The following TUSC3 variants were observed in gnomAD, a reference collection of about 807,000 sequenced individuals.
TUSC3 encodes the protein dolichyl-diphosphooligosaccharide--protein glycosyltransferase subunit TUSC3.
Under a neutral mutation model 44.8 loss-of-function variants are expected in TUSC3, and 45 were observed. The observed-to-expected ratio is 1.00, with a 90% CI of 0.79 to 1.29. The LOEUF (loss-of-function observed/expected upper bound fraction) is 1.29. Ranked by LOEUF, TUSC3 falls within the 50% of genes most tolerant of loss-of-function variation. The probability of loss-of-function intolerance (pLI) is 0.00; values close to 1 mark genes in which losing one functional copy is unlikely to be tolerated. For synonymous variants in TUSC3, 212 were observed against 152.9 expected, an observed-to-expected ratio of 1.39 and a Z score of -2.85; for missense variants, 519 against 437.9, an observed-to-expected ratio of 1.19 and a Z score of -1.65.
chr8:15,546,902 G>C (rs1464942253), intron 1 of TUSC3, among the ~76,000 whole-genome samples: 1 of 151,406 alleles, frequency 6.6e-6, no homozygotes, highest in Admixed American at 6.6e-5. Flanking sequence ...CCTCCCAGTT[G>C]GCCTGTCTCT....
At chr8:15,482,314 T>C (rs1800673541) in intron 1 of TUSC3, among the ~76,000 whole-genome samples, 1 of 152,206 alleles carries the variant, frequency 6.6e-6, no homozygotes, top group Non-Finnish European at 1.5e-5. Context: ...TTCAAACTCC[T>C]GTTAATACTA....
the TUSC3 span, among the ~76,000 whole-genome samples, chr8:15,781,384 C>A: frequency 6.6e-6 from 1 of 152,104 alleles, no homozygotes; most frequent in Non-Finnish European, 1.5e-5. Context: ...CCACGTAAAA[C>A]AAACACAGCA....
At chr8:15,788,053 C>T in the TUSC3 span, among the ~76,000 whole-genome samples, 1 of 152,088 alleles carries the variant, frequency 6.6e-6, no homozygotes. Context: ...TCTGACCTGC[C>T]CCCTGTCCCT....
chr8:15,472,351 T>A (rs1214529918), intron 1 of TUSC3, among the ~76,000 whole-genome samples: 1 of 152,206 alleles, frequency 6.6e-6, no homozygotes, highest in Non-Finnish European at 1.5e-5. Flanking sequence ...AAAAGAAATT[T>A]CTGAAACTTT....
the TUSC3 span, among the ~76,000 whole-genome samples, chr8:15,834,656 A>G: frequency 6.6e-6 from 1 of 152,014 alleles, no homozygotes; most frequent in Non-Finnish European, 1.5e-5. Context: ...TATATTTCCT[A>G]TCATTGAAAC....
At chr8:15,615,385 C>G (rs1409863738) in intron 1 of TUSC3, among the ~76,000 whole-genome samples, 2 of 152,214 alleles carry the variant, frequency 1.3e-5, no homozygotes, top group South Asian at 2.1e-4. Flanking sequence ...CATGTTCTCA[C>G]TCATATGGGA....
chr8:15,717,506 A>G (rs1288821245), intron 6 of TUSC3, among the ~76,000 whole-genome samples: 1 of 152,092 alleles, frequency 6.6e-6, no homozygotes, highest in Non-Finnish European at 1.5e-5. Flanking sequence ...GATCAGATAA[A>G]CAGTTTTGCT....
At chr8:15,505,605 A>G (rs1801041562) in intron 2 of TUSC3, among the ~76,000 whole-genome samples, 1 of 152,190 alleles carries the variant, frequency 6.6e-6, no homozygotes, top group African/African-American at 2.4e-5. Context: ...AGAATCACCA[A>G]CTGAAAATAG....
Position 15,540,554 on chromosome 8 carries a change from CA to C in TUSC3, c.125del (p.Gln42ArgfsTer8), listed in dbSNP as rs1801647638. The C allele has an allele frequency of 6.3e-7, 1 of 1,592,648 alleles. No homozygotes were observed. Among genetic ancestry groups the C allele is most frequent in the Non-Finnish European group, 8.5e-7 (1 of 1,170,314 alleles). ...GCTCTGCATCCAGCTCGGGGGAGGA[CA>C]GAAGAAAAAGGAGGTAGAATGGATC... ...LLLCIQLGGGQKKKENLLAEK... is the reference protein window; with the variant it reads ...LLLCIQLGGGXKKKENLLAEK... On this transcript the variant is annotated frameshift_variant, in exon 1 of 11. Transcript: ENST00000503731. LOFTEE classifies it high-confidence loss of function.
chr8:15,477,027 C>G (rs1019224556), intron 1 of TUSC3, among the ~76,000 whole-genome samples: 1 of 152,088 alleles, frequency 6.6e-6, no homozygotes, highest in South Asian at 2.1e-4. Context: ...GGAAAGCAAC[C>G]CATCAGAGGT....
intron 6 of TUSC3, among the ~76,000 whole-genome samples, chr8:15,717,987 T>A (rs918188733): frequency 1.3e-5 from 2 of 152,126 alleles, no homozygotes; most frequent in South Asian, 4.1e-4. Flanking sequence ...CAAGACACTA[T>A]GTTTTGTATT....
At chr8:15,436,827 C>A (rs866514143) in intron 1 of TUSC3, among the ~76,000 whole-genome samples, 1 of 152,222 alleles carries the variant, frequency 6.6e-6, no homozygotes, top group African/African-American at 2.4e-5. Context: ...AACTCATAAG[C>A]CTGTGTATAG....
At chr8:15,583,058 C>T (rs1340847669) in intron 1 of TUSC3, among the ~76,000 whole-genome samples, 1 of 152,066 alleles carries the variant, frequency 6.6e-6, no homozygotes, top group African/African-American at 2.4e-5. Context: ...TGAAGTTGAT[C>T]AATATGACTG....
At chr8:15,792,079 G>T in the TUSC3 span, among the ~76,000 whole-genome samples, 1 of 151,738 alleles carries the variant, frequency 6.6e-6, no homozygotes, top group South Asian at 2.1e-4. Context: ...GCTTGAATTT[G>T]TATTTGGAAA....
intron 6 of TUSC3, among the ~76,000 whole-genome samples, chr8:15,690,811 G>A (rs916928707): frequency 3.5e-4 from 53 of 151,912 alleles, no homozygotes; most frequent in African/African-American, 1.3e-3. Flanking sequence ...GAGAGTTGTA[G>A]GTGTGCAGCA....
At chr8:15,583,923 G>A (rs1803487133) in intron 1 of TUSC3, among the ~76,000 whole-genome samples, 1 of 152,162 alleles carries the variant, frequency 6.6e-6, no homozygotes, top group Non-Finnish European at 1.5e-5. Context: ...GGAAATAAGA[G>A]GAGTAGCACC....
chr8:15,497,791 C>G (rs2129126566), intron 2 of TUSC3, among the ~76,000 whole-genome samples: 1 of 151,520 alleles, frequency 6.6e-6, no homozygotes, highest in South Asian at 2.1e-4. Context: ...GTCTCCCAGG[C>G]TGGAGTGCAA....
intron 7 of TUSC3, among the ~76,000 whole-genome samples, chr8:15,732,730 G>C (rs756123544): frequency 6.6e-6 from 1 of 152,132 alleles, no homozygotes; most frequent in Non-Finnish European, 1.5e-5. Context: ...TGAAAACGAA[G>C]GAATGAAGTT....
In TUSC3 at chr8:15,443,051, C is replaced by A. The variant is rs537996670; in HGVS notation, n.91+25746C>A. ...CACTCCACTGTGGGCTATAAATCCT[C>A]AGCTGTTTTTGCTATCTTCAGAGTT... On this transcript the variant is annotated intron_variant and non_coding_transcript_variant, in intron 1 of 5. Transcript: ENST00000503191. Among the ~76,000 whole-genome samples the A allele has an allele frequency of 2.6e-5, 4 of 152,310 alleles. No individual in the cohort carries two copies. The South Asian group carries it at 6.2e-4, about 24-fold the overall frequency.
Sources: gnomAD v4.1 joint callset for allele counts (sites outside exome capture counted in the v4.1 genomes callset) on GRCh38, gnomAD v4.1.1 for gene constraint, MANE v1.5 for transcripts, NCBI Gene and HGNC (gene_info 2026-07-23, HGNC 2026-07-21) for gene names.